The following SAMD3 variants were observed in gnomAD, a reference collection of about 807,000 sequenced individuals.
SAMD3 encodes the protein sterile alpha motif domain containing 3.
Under a neutral mutation model 58.5 loss-of-function variants are expected in SAMD3, and 63 were observed. The observed-to-expected ratio is 1.08, with a 90% CI of 0.88 to 1.33. The LOEUF (loss-of-function observed/expected upper bound fraction) is 1.33, where lower values mean the gene tolerates loss of function less well. Ranked by LOEUF, SAMD3 falls within the 40% of genes most tolerant of loss-of-function variation. SAMD3 has a pLI of 0.00. For missense variants in SAMD3, 604 were observed against 608.4 expected, an observed-to-expected ratio of 0.99 and a Z score of 0.08; for synonymous variants, 220 against 210.3, an observed-to-expected ratio of 1.05 and a Z score of -0.40.
chr6:130,257,761 T>C (rs1773973543), intron 2 of SAMD3, among the ~76,000 whole-genome samples: 1 of 152,142 alleles, frequency 6.6e-6, no homozygotes, highest in African/African-American at 2.4e-5. Flanking sequence ...TTAATATAAA[T>C]ATATACACCC....
At chr6:130,362,415 T>A (rs1415490905) in intron 1 of SAMD3, among the ~76,000 whole-genome samples, 4 of 152,234 alleles carry the variant, frequency 2.6e-5, no homozygotes, top group African/African-American at 7.2e-5. Context: ...ACCACTACCA[T>A]CTTCTCTCAT....
chr6:130,350,402 A>C (rs1284227382), intron 1 of SAMD3, among the ~76,000 whole-genome samples: 2 of 152,176 alleles, frequency 1.3e-5, no homozygotes, highest in Non-Finnish European at 2.9e-5. Flanking sequence ...ATGTGCAAAA[A>C]TCACAAGCAT....
intron 2 of SAMD3, among the ~76,000 whole-genome samples, chr6:130,228,486 C>T (rs930810170): frequency 2.0e-5 from 3 of 152,130 alleles, no homozygotes; most frequent in Admixed American, 2.0e-4. Flanking sequence ...GCAAGTTAAT[C>T]TCCAGGGGAG....
chr6:130,353,859 G>A lies in SAMD3; in HGVS notation c.-304+11261C>T, dbSNP rs553161234. Among the ~76,000 whole-genome samples the A allele has an allele frequency of 5.3e-5, 8 of 152,110 alleles. No homozygotes were observed. The South Asian group carries it at 1.7e-3, about 32-fold the overall frequency. On this transcript the variant is annotated intron_variant, in intron 1 of 13. Coordinates refer to the SAMD3 transcript ENST00000368134. ...AAAAGTATGGTATTCCACAGCAAAAGAAACTATCAATGGAGTAAACAGACA... is the reference window on the plus strand; with the variant it reads ...AAAAGTATGGTATTCCACAGCAAAAAAAACTATCAATGGAGTAAACAGACA...
chr6:130,231,354 A>T (rs1796541286), intron 2 of SAMD3, among the ~76,000 whole-genome samples: 1 of 152,146 alleles, frequency 6.6e-6, no homozygotes, highest in South Asian at 2.1e-4. Context: ...ACTTAAGGTC[A>T]GGAGTTCATG....
intron 2 of SAMD3, among the ~76,000 whole-genome samples, chr6:130,292,436 G>A (rs1302318470): frequency 1.3e-5 from 2 of 151,504 alleles, no homozygotes; most frequent in African/African-American, 2.4e-5. Context: ...CCAGACATGC[G>A]CCACCATGCC....
intron 2 of SAMD3, among the ~76,000 whole-genome samples, chr6:130,238,520 C>G (rs1773244788): frequency 6.6e-6 from 1 of 151,608 alleles, no homozygotes; most frequent in Admixed American, 6.6e-5. Context: ...AAAATTGTCT[C>G]TTGGCATTTG....
At chr6:130,218,621 T>C (rs978429746) in intron 1 of SAMD3, among the ~76,000 whole-genome samples, 4 of 152,168 alleles carry the variant, frequency 2.6e-5, no homozygotes, top group Non-Finnish European at 5.9e-5. Context: ...GAAGATAAGA[T>C]ACATAGATAA....
chr6:130,151,748 T>G (rs1057395977), intron 9 of SAMD3, among the ~76,000 whole-genome samples: 7 of 152,220 alleles, frequency 4.6e-5, no homozygotes, highest in African/African-American at 1.7e-4. Flanking sequence ...GCCGATTTTT[T>G]TAATTTTTTG....
intron 1 of SAMD3, among the ~76,000 whole-genome samples, chr6:130,334,955 T>G (rs1004042721): frequency 2.0e-5 from 3 of 152,248 alleles, no homozygotes; most frequent in African/African-American, 7.2e-5. Context: ...AGCATGTCAT[T>G]TATCAATCAA....
At chr6:130,246,609 C>A (rs1773555123) in intron 2 of SAMD3, among the ~76,000 whole-genome samples, 1 of 151,844 alleles carries the variant, frequency 6.6e-6, no homozygotes, top group Admixed American at 6.6e-5. Flanking sequence ...TATACAAATG[C>A]ACAGTTTGGC....
At chr6:130,342,202 A>G (rs1777296166) in intron 1 of SAMD3, among the ~76,000 whole-genome samples, 1 of 152,214 alleles carries the variant, frequency 6.6e-6, no homozygotes, top group Admixed American at 6.5e-5. Context: ...TCTGTCTAAT[A>G]AATATATATC....
Position 130,220,805 on chromosome 6 carries a change from T to C in SAMD3, c.-68+1889A>G, listed in dbSNP as rs60449687. On this transcript the variant is annotated intron_variant, in intron 1 of 11. Coordinates refer to ENST00000439090, the MANE Select transcript of SAMD3 (RefSeq NM_001017373.4). ...GTACTGGAGGAAAAGAGAACAGATA[T>C]TGAAACAGAATAGAAACTTAGAAAC... is the stretch of plus-strand genomic sequence containing the variant. Among the ~76,000 whole-genome samples the C allele has an allele frequency of 1.7e-3, 254 of 152,270 alleles. 1 individual carries two copies. The highest frequency in any genetic ancestry group is 5.8e-3 in the African/African-American group (242 of 41,542).
intron 2 of SAMD3, among the ~76,000 whole-genome samples, chr6:130,228,836 T>G (rs1434641259): frequency 6.6e-6 from 1 of 152,196 alleles, no homozygotes; most frequent in Non-Finnish European, 1.5e-5. Flanking sequence ...CCCACATTCC[T>G]TCTTCCTCAC....
intron 5 of SAMD3, among the ~76,000 whole-genome samples, chr6:130,198,704 T>C (rs772141436): frequency 1.3e-5 from 2 of 152,098 alleles, no homozygotes; most frequent in Non-Finnish European, 2.9e-5. Flanking sequence ...GAGAGGCAGA[T>C]CTAGAGACTG....
chr6:130,270,988 GTTTTTTTTGT>G (rs947887581), intron 2 of SAMD3, among the ~76,000 whole-genome samples: 27 of 97,872 alleles, frequency 2.8e-4, no homozygotes, highest in African/African-American at 2.1e-3. Context: ...ACCCAATCTT[GTTTTTTTTGT>G]TTTTTTTTGT....
At chr6:130,240,274 C>A (rs781352140) in intron 2 of SAMD3, among the ~76,000 whole-genome samples, 3 of 152,144 alleles carry the variant, frequency 2.0e-5, no homozygotes, top group Non-Finnish European at 4.4e-5. Flanking sequence ...CCAAGGCACC[C>A]ACTGCTGATG....
chr6:130,338,688 A>T (rs1387508374), intron 1 of SAMD3, among the ~76,000 whole-genome samples: 1 of 152,194 alleles, frequency 6.6e-6, no homozygotes, highest in East Asian at 1.9e-4. Context: ...GAGCTTTAAG[A>T]TTTAATGACT....
At chr6:130,164,733 G>A (rs6569658) in intron 8 of SAMD3, among the ~76,000 whole-genome samples, 119,095 of 151,662 alleles carry the variant, frequency 0.79, 47,708 homozygotes, top group East Asian at 0.98. Flanking sequence ...GTTGTCAGTT[G>A]TCACTAAAAA....
Sources: gnomAD v4.1 joint callset for allele counts (sites outside exome capture counted in the v4.1 genomes callset) on GRCh38, gnomAD v4.1.1 for gene constraint, MANE v1.5 for transcripts, NCBI Gene and HGNC (gene_info 2026-07-23, HGNC 2026-07-21) for gene names.